The following RBPJL variants were observed in gnomAD, a reference collection of about 807,000 sequenced individuals.
RBPJL encodes the protein recombining binding protein suppressor of hairless-like protein.
A neutral mutation model predicts 57.6 loss-of-function variants in RBPJL; 50 were observed. The ratio of observed to expected loss-of-function variants is 0.87; its 90% confidence interval spans 0.69 to 1.10. The LOEUF (loss-of-function observed/expected upper bound fraction) is 1.10, where lower values mean the gene tolerates loss of function less well. RBPJL is among the 50% of genes least tolerant of loss of function. RBPJL has a pLI of 0.00. For synonymous variants in RBPJL, 303 were observed against 294.4 expected (o/e 1.03, Z -0.30); for missense variants, 684 against 693.7 (o/e 0.99, Z 0.16).
intron 9 of RBPJL, chr20:45,315,856 A>C (rs1987433683): frequency 3.8e-6 from 1 of 259,752 alleles, no homozygotes; most frequent in South Asian, 1.7e-4. Flanking sequence ...AGAGAAAGGG[A>C]AAGAAAGAAA....
rs918963519 is a variant in RBPJL, at chr20:45,314,445, C to T, written c.900C>T (p.Leu300=). Residue 300 remains leucine, a synonymous_variant, in exon 9 of 12, where the codon CTC becomes CTT. Coordinates refer to ENST00000343694, the MANE Select transcript of RBPJL (RefSeq NM_014276.4). The part of the protein sequence containing the change: ...IIRKVAKQCA[L]LDVDEPISQL... ...GTAAAGTAGCAAAACAGTGTGCGCTCCTTGATGTGGATGAGCCCATCTCCC... is the reference window on the plus strand; with the variant it reads ...GTAAAGTAGCAAAACAGTGTGCGCTTCTTGATGTGGATGAGCCCATCTCCC... 2.5e-6 allele frequency: 4 copies of T among 1,614,156 alleles called. No homozygotes were observed. The highest frequency in any genetic ancestry group is 3.4e-6 in the Non-Finnish European group (4 of 1,179,998).
At chr20:45,309,815 G>A in intron 3 of RBPJL, 123 bp downstream of exon 3, 2 of 1,272,922 alleles carry the variant, frequency 1.6e-6, no homozygotes, top group South Asian at 1.5e-5. Context: ...TCAGCTATTG[G>A]TCGACCAGGG....
At chr20:45,312,420 C>T (rs1482222049) in intron 6 of RBPJL, 25 bp downstream of exon 6, 9 of 1,599,584 alleles carry the variant, frequency 5.6e-6, no homozygotes, top group East Asian at 2.2e-5. Flanking sequence ...GCCTGACCCC[C>T]GGCCCGGGCG....
At chr20:45,314,669 C>CGG in intron 9 of RBPJL, 104 bp downstream of exon 9, 1 of 1,100,536 alleles carries the variant, frequency 9.1e-7, no homozygotes, top group Non-Finnish European at 1.3e-6. Context: ...ACTTCCTGAG[C>CGG]AGCCTCCCAT....
At position 45,314,464 on chromosome 20, in the gene RBPJL, A is replaced by G; in HGVS notation, c.919A>G (p.Ile307Val). Residue 307 changes from isoleucine (I) to valine (V), a missense_variant, in exon 9 of 12, where the codon ATC becomes GTC. Ile to Val is a conservative substitution (Grantham distance 29). Coordinates refer to ENST00000343694, the MANE Select transcript of RBPJL (RefSeq NM_014276.4). ...TGCGCTCCTTGATGTGGATGAGCCC[A>G]TCTCCCAGCTGCACAAGTGTGCATT... is the stretch of plus-strand genomic sequence containing the variant. ...QCALLDVDEP[I>V]SQLHKCAFQF... 2 of 1,614,230 alleles carry G rather than the reference A, an allele frequency of 1.2e-6. No individual in the cohort carries two copies. The highest frequency in any genetic ancestry group is 1.7e-6 in the Non-Finnish European group (2 of 1,180,028).
At chr20:45,309,738 C>T in intron 3 of RBPJL, 46 bp downstream of exon 3, 2 of 1,607,538 alleles carry the variant, frequency 1.2e-6, no homozygotes, top group Non-Finnish European at 1.7e-6. Flanking sequence ...ACTGTCAGCC[C>T]TATGCACCTC....
In RBPJL at chr20:45,311,108, C is replaced by A. The variant is rs567658554; in HGVS notation, c.258-481C>A. On this transcript the variant is annotated intron_variant, in intron 3 of 11. Transcript: ENST00000343694. ...TTCCAGCCTGGGCAACAGAGCAAGA[C>A]CCTGCCTCAAAAAAAAAAAAAAAGA... 1.8e-4 allele frequency among the ~76,000 whole-genome samples: 25 copies of A among 138,250 alleles called. No homozygotes were observed. In the East Asian group the frequency reaches 4.6e-3, roughly 26 times the overall value. The allele number at this position is 138,250 out of a possible 152,430, so 90.7% of individuals were successfully genotyped here.
Position 45,314,164 on chromosome 20 carries a change from G to C in RBPJL, c.867+20G>C. On this transcript the variant is annotated intron_variant, in intron 8 of 11. Transcript: ENST00000343694. ...CCCATGGTATAGGAAGGGAGGGCAT[G>C]CCTGGAGGGGTCCCCTCAGATCCAT... The C allele has an allele frequency of 6.3e-7, 1 of 1,589,328 alleles. No homozygotes were observed. Among genetic ancestry groups the C allele is most frequent in the South Asian group, 1.1e-5 (1 of 90,580 alleles).
At chr20:45,311,722 C>T in intron 4 of RBPJL, 63 bp downstream of exon 4, 1 of 1,586,554 alleles carries the variant, frequency 6.3e-7, no homozygotes, top group Non-Finnish European at 8.6e-7. Context: ...AGATTGGGCC[C>T]GAGACGGGGC....
Position 45,316,574 on chromosome 20 carries a change from T to A in RBPJL, c.1274T>A (p.Met425Lys). Residue 425 changes from methionine to lysine, a missense_variant, in exon 11 of 12, where the codon ATG becomes AAG. Met to Lys is a moderately conservative substitution (Grantham distance 95). Transcript: ENST00000343694. ...TTTGGGGACGTGGAGGCAGAAACCA[T>A]GTACAGGTACGGGGTGGTGAGGCAG... ...VWFGDVEAET[M>K]YRSPRSLVCV... 6.5e-7 allele frequency: 1 copy of A among 1,533,118 alleles called. No individual in the cohort carries two copies. 95.0% of individuals were successfully genotyped at this position (1,533,118 alleles called of 1,614,324 possible). A position where few individuals can be genotyped will look rare whatever the true frequency, so the allele number is the denominator to read the frequency against.
intron 1 of RBPJL, 104 bp downstream of exon 1, chr20:45,307,048 A>G (rs1986768353): frequency 1.6e-6 from 1 of 644,992 alleles, no homozygotes; most frequent in African/African-American, 2.2e-5. Context: ...CTAAGCCCCA[A>G]GGAGGCAGCC....
In RBPJL at chr20:45,314,150, G is replaced by C; in HGVS notation, c.867+6G>C. 1 of 1,605,808 alleles carries C rather than the reference G, an allele frequency of 6.2e-7. No individual in the cohort carries two copies. Among genetic ancestry groups the C allele is most frequent in the Non-Finnish European group, 8.5e-7 (1 of 1,172,914 alleles). On this transcript the variant is annotated splice_donor_region_variant and intron_variant, in intron 8 of 11. Transcript: ENST00000343694. The stretch of plus-strand genomic sequence containing the variant: ...GCATCACACTACCTCCCATGGTATA[G>C]GAAGGGAGGGCATGCCTGGAGGGGT...
chr20:45,312,446 G>T (rs759147764), intron 6 of RBPJL, 51 bp downstream of exon 6: 1 of 1,568,022 alleles, frequency 6.4e-7, no homozygotes. Flanking sequence ...GTGCAACCAA[G>T]CCCAGAACGG....
At chr20:45,310,466 G>C (rs1470096926) in intron 3 of RBPJL, among the ~76,000 whole-genome samples, 1 of 152,116 alleles carries the variant, frequency 6.6e-6, no homozygotes, top group African/African-American at 2.4e-5. Flanking sequence ...AATTAGCTGG[G>C]CATGGTGGCG....
chr20:45,314,947 G>A (rs575821652), intron 9 of RBPJL, among the ~76,000 whole-genome samples: 2 of 152,246 alleles, frequency 1.3e-5, no homozygotes, highest in Non-Finnish European at 2.9e-5. Flanking sequence ...GCTGGGCATG[G>A]CAGTGGGCGC....
chr20:45,312,638 T>C (rs1186309476), intron 6 of RBPJL, among the ~76,000 whole-genome samples: 1 of 151,142 alleles, frequency 6.6e-6, no homozygotes, highest in Non-Finnish European at 1.5e-5. Context: ...AGGTTGGGAG[T>C]TGGGGTCCCA....
chr20:45,312,656 CA>C (rs1212518778), intron 6 of RBPJL, among the ~76,000 whole-genome samples: 7 of 151,976 alleles, frequency 4.6e-5, no homozygotes, highest in African/African-American at 1.7e-4. Context: ...CCAGAGCAGA[CA>C]AAAGTTGAAC....
chr20:45,308,130 T>C lies in RBPJL; in HGVS notation c.23-13T>C, dbSNP rs768913058. ...CACTCGCCTGACCTGGCTTGATGCC[T>C]ACTCCCCTGCAGACCCCTCAGTGCC... is the stretch of plus-strand genomic sequence containing the variant. On this transcript the variant is annotated splice_polypyrimidine_tract_variant and intron_variant, in intron 1 of 11. Coordinates refer to ENST00000343694, the MANE Select transcript of RBPJL (RefSeq NM_014276.4). The C allele has an allele frequency of 2.3e-5, 36 of 1,596,126 alleles. No homozygotes were observed. Among genetic ancestry groups the C allele is most frequent in the Non-Finnish European group, 3.0e-5 (35 of 1,164,248 alleles).
Position 45,317,003 on chromosome 20 carries a change from C to T in RBPJL, c.*44C>T, listed in dbSNP as rs1167129265. ...GCTGCCCACCCTGGAGGGCTGCGCC[C>T]GCGCCAGGCGCGGGGACGTGTTTCT... On this transcript the variant is annotated 3_prime_UTR_variant, in exon 12 of 12. Transcript: ENST00000343694. 6.4e-7 allele frequency: 1 copy of T among 1,570,316 alleles called. No homozygotes were observed. Among genetic ancestry groups the T allele is most frequent in the Non-Finnish European group, 8.6e-7 (1 of 1,157,654 alleles).
Sources: gnomAD v4.1 joint callset for allele counts (sites outside exome capture counted in the v4.1 genomes callset) on GRCh38, gnomAD v4.1.1 for gene constraint, MANE v1.5 for transcripts, NCBI Gene and HGNC (gene_info 2026-07-23, HGNC 2026-07-21) for gene names.